Variants in TRRAP observed in about 807,000 individuals in gnomAD.
TRRAP encodes transformation/transcription domain-associated protein.
TRRAP carries 41 observed loss-of-function variants against 438.8 expected under a neutral mutation model. The ratio of observed to expected loss-of-function variants is 0.09; its 90% CI spans 0.07 to 0.12. TRRAP has a LOEUF of 0.12. Among genes scored for constraint, TRRAP ranks in the 10% least tolerant of loss-of-function variants. The pLI is 1.00. For synonymous variants in TRRAP, 1,994 were observed against 1,962.9 expected, an observed-to-expected ratio of 1.02 and a Z score of -0.42; for missense variants, 3,122 against 5,055.1, an observed-to-expected ratio of 0.62 and a Z score of 11.60.
intron 29 of TRRAP, 97 bp downstream of exon 29, chr7:98,937,374 C>CA (rs1790606583): frequency 6.7e-7 from 1 of 1,486,018 alleles, no homozygotes; most frequent in Non-Finnish European, 8.9e-7. Context: ...GCTATATAAA[C>CA]AGTGTATGCC....
rs767683109 is a variant in TRRAP at position 98,990,431 on chromosome 7, C to G, written c.9592-24C>G. On this transcript the variant is annotated intron_variant, in intron 63 of 72. Transcript: ENST00000456197. Reference sequence around the variant, plus strand: ...AGGGCTTCAGAATTGTCATTCTACTCTAGAATTTCTCCTTCTGTCTCAGGT... The same window carrying G: ...AGGGCTTCAGAATTGTCATTCTACTGTAGAATTTCTCCTTCTGTCTCAGGT... 18 of 1,607,716 alleles carry G rather than the reference C, an allele frequency of 1.1e-5. No homozygotes were observed. In the East Asian group the frequency reaches 4.0e-4, roughly 36 times the overall value.
chr7:98,928,811 T>C (rs1270176644), intron 23 of TRRAP, among the ~76,000 whole-genome samples: 1 of 152,190 alleles, frequency 6.6e-6, no homozygotes, highest in African/African-American at 2.4e-5. Flanking sequence ...TCTCACTTTG[T>C]TGCCCAGGCT....
intron 6 of TRRAP, 67 bp from the exon 7 acceptor site, chr7:98,895,697 C>A: frequency 7.3e-7 from 1 of 1,365,236 alleles, no homozygotes; most frequent in South Asian, 1.4e-5. Flanking sequence ...TACAACTTTT[C>A]TTATTTATTA....
intron 8 of TRRAP, among the ~76,000 whole-genome samples, chr7:98,898,895 G>A (rs1584282631): frequency 6.6e-6 from 1 of 152,106 alleles, no homozygotes; most frequent in Non-Finnish European, 1.5e-5. Context: ...AGAAAAATAT[G>A]CAAACCTTTA....
In TRRAP at chr7:98,936,294, G is replaced by T. The variant is rs570711409; in HGVS notation, c.4111+619G>T. Among the ~76,000 whole-genome samples the T allele has an allele frequency of 3.9e-5, 6 of 152,262 alleles. No individual in the cohort carries two copies. In the East Asian group the frequency reaches 1.2e-3, roughly 29 times the overall value. ...TTGAGTTAGAGGTGGAGAGCTTAGAGGCAGACCATAATACCTGAGCTAGAA... is the reference window on the plus strand; with the variant it reads ...TTGAGTTAGAGGTGGAGAGCTTAGATGCAGACCATAATACCTGAGCTAGAA... On this transcript the variant is annotated intron_variant, in intron 28 of 72. Transcript: ENST00000456197.
chr7:98,947,942 A>G (rs1791160853), intron 33 of TRRAP, among the ~76,000 whole-genome samples: 2 of 152,220 alleles, frequency 1.3e-5, no homozygotes, highest in African/African-American at 4.8e-5. Flanking sequence ...GTGAGCACGC[A>G]TGACAGCAAA....
At chr7:98,881,640 G>T in intron 2 of TRRAP, 2 of 294,376 alleles carry the variant, frequency 6.8e-6, no homozygotes, top group Non-Finnish European at 6.3e-6. Context: ...TGTGTACTTT[G>T]AGATTAATCG....
Position 98,949,402 on chromosome 7 carries a change from T to G in TRRAP, c.4789-15T>G. 6.6e-7 allele frequency: 1 copy of G among 1,513,590 alleles called. No individual in the cohort carries two copies. Among genetic ancestry groups the G allele is most frequent in the Non-Finnish European group, 8.8e-7 (1 of 1,132,624 alleles). 93.8% of individuals were successfully genotyped at this position (1,513,590 alleles called of 1,614,324 possible). Reference sequence around the variant, plus strand: ...GATTAGCTTAAAACGGCTTTTCTATTTGTTTTGCTTTCAGAGTTTTTTAAA... The same window carrying G: ...GATTAGCTTAAAACGGCTTTTCTATGTGTTTTGCTTTCAGAGTTTTTTAAA... On this transcript the variant is annotated splice_polypyrimidine_tract_variant and intron_variant, in intron 35 of 72. Coordinates refer to ENST00000456197, the MANE Select transcript of TRRAP (RefSeq NM_001375524.1).
chr7:98,949,926 T>C (rs1791255575), intron 37 of TRRAP, 85 bp downstream of exon 37: 1 of 1,567,924 alleles, frequency 6.4e-7, no homozygotes, highest in Non-Finnish European at 8.7e-7. Context: ...TGTACAAGGC[T>C]GTGGTCATTG....
chr7:98,953,440 T>A lies in TRRAP; in HGVS notation c.5730+7T>A, dbSNP rs1791438183. ...CAAGAAGATCGTCCTGCAGGTATTT[T>A]GCAAGCCCCTCCTGTCCGCCGACAT... On this transcript the variant is annotated splice_region_variant and intron_variant, in intron 40 of 72. Transcript: ENST00000456197. 6.2e-7 allele frequency: 1 copy of A among 1,606,552 alleles called. No individual in the cohort carries two copies. Among genetic ancestry groups the A allele is most frequent in the African/African-American group, 1.3e-5 (1 of 75,012 alleles).
chr7:98,919,078 A>G (rs1402412804), intron 20 of TRRAP, among the ~76,000 whole-genome samples: 2 of 152,082 alleles, frequency 1.3e-5, no homozygotes, highest in East Asian at 3.9e-4. Context: ...CTGGTTGGTA[A>G]TTGTTGGAGG....
In TRRAP at chr7:99,005,303, T is replaced by C; in HGVS notation, c.10708T>C (p.Leu3570=). 2 of 1,613,858 alleles carry C rather than the reference T, an allele frequency of 1.2e-6. No individual in the cohort carries two copies. Among genetic ancestry groups the C allele is most frequent in the Non-Finnish European group, 1.7e-6 (2 of 1,179,992 alleles). The part of the protein sequence containing the change: ...LQLLRLLNPC[L]EKRKETTKRH... Reference sequence around the variant, plus strand: ...GCTGCTGCGTCTGCTGAACCCCTGTTTGGAGAAGAGAAAGGAGACCACCAA... The same window carrying C: ...GCTGCTGCGTCTGCTGAACCCCTGTCTGGAGAAGAGAAAGGAGACCACCAA... Residue 3570 remains leucine (L), a synonymous_variant, in exon 69 of 73, where the codon TTG becomes CTG. Transcript: ENST00000456197. The surrounding 1 kb of genome is among the most constrained non-coding windows in gnomAD (Gnocchi z 5.1).
At position 98,917,631 on chromosome 7, in the gene TRRAP, C is replaced by T. The variant is rs550999899; in HGVS notation, c.2574C>T (p.Pro858=). The change falls in exon 20 of 73, where the codon CCC becomes CCT. Residue 858 remains proline, a synonymous_variant. Transcript: ENST00000456197. ...AGCTGTGTGTGGACAACCTGCAGCC[C>T]GACTTCCTCTACGACCACATCCAGC... is the stretch of plus-strand genomic sequence containing the variant. ...TLELCVDNLQ[P]DFLYDHIQPV... 9.9e-6 allele frequency: 16 copies of T among 1,614,134 alleles called. No homozygotes were observed. In the Admixed American group the frequency reaches 1.2e-4, roughly 12 times the overall value.
chr7:98,890,424 T>A lies in TRRAP; in HGVS notation c.240T>A (p.Phe80Leu), dbSNP rs1795911252. The A allele has an allele frequency of 6.2e-7, 1 of 1,602,900 alleles. No homozygotes were observed. The highest frequency in any genetic ancestry group is 1.1e-5 in the South Asian group (1 of 88,210). The change falls in exon 4 of 73, where the codon TTT (phenylalanine) becomes TTA (leucine). Residue 80 changes from phenylalanine (F) to leucine (L), a missense_variant. Physicochemically the swap from Phe to Leu is conservative, Grantham distance 22. This residue lies in a region of TRRAP where 343 missense variants were observed against 564.0 expected (regional missense o/e 0.61). Coordinates refer to ENST00000456197, the MANE Select transcript of TRRAP (RefSeq NM_001375524.1). ...LTFLQDGEVQ[F>L]LQEKPAQQLR... ...TTCTCCAAGATGGAGAAGTTCAGTT[T>A]CTTCAGGAGAAACCAGCACAGGTAA...
chr7:98,998,926 C>G, intron 67 of TRRAP: 1 of 528,920 alleles, frequency 1.9e-6, no homozygotes, highest in Non-Finnish European at 3.4e-6. Context: ...GGTCAGTCTG[C>G]ACAAGGTACA....
chr7:98,921,031 T>TA (rs1399923274), intron 20 of TRRAP, among the ~76,000 whole-genome samples: 3 of 152,132 alleles, frequency 2.0e-5, no homozygotes, highest in African/African-American at 7.2e-5. Context: ...TAGATGGGGT[T>TA]ACTCCATGTT....
chr7:98,962,510 A>G (rs1791951053), intron 47 of TRRAP, 83 bp downstream of exon 47: 3 of 1,601,730 alleles, frequency 1.9e-6, no homozygotes, highest in Non-Finnish European at 2.6e-6. Context: ...CCTTTGGGAA[A>G]GGGCTCCGGT....
At position 98,970,246 on chromosome 7, in the gene TRRAP, C is replaced by G. The variant is rs781726933; in HGVS notation, c.7647C>G (p.Val2549=). The G allele has an allele frequency of 2.9e-5, 46 of 1,613,424 alleles. No individual in the cohort carries two copies. The South Asian group carries it at 4.8e-4, about 17-fold the overall frequency. ...CCGCCTTCGCCATGGTCACACATGT[C>G]AAGCAGGAGCCCCGGGAGCGGGAGA... is the stretch of plus-strand genomic sequence containing the variant. The part of the protein sequence containing the change: ...DRAAFAMVTH[V]KQEPRERENS... Residue 2549 remains valine (V), a synonymous_variant, in exon 52 of 73, where the codon GTC becomes GTG. Transcript: ENST00000456197.
chr7:98,911,538 CG>C (rs1789275394), intron 17 of TRRAP, among the ~76,000 whole-genome samples: 1 of 152,126 alleles, frequency 6.6e-6, no homozygotes, highest in South Asian at 2.1e-4. Context: ...TTTAGGAGGC[CG>C]GGGATTGCTT....
Sources: gnomAD v4.1 joint callset for allele counts (sites outside exome capture counted in the v4.1 genomes callset) on GRCh38, gnomAD v4.1.1 for gene constraint, gnomAD v4.1.1 regional missense constraint, Gnocchi (gnomAD v3.1) non-coding constraint, MANE v1.5 for transcripts, NCBI Gene and HGNC (gene_info 2026-07-23, HGNC 2026-07-21) for gene names.